NCKAP5: variants seen among roughly 807,000 people sequenced by gnomAD.
NCKAP5 encodes nck-associated protein 5.
In NCKAP5, 92 loss-of-function variants were observed where a neutral mutation model predicts 167.0. The ratio of observed to expected loss-of-function variants is 0.55; its 90% CI spans 0.47 to 0.66. The LOEUF (loss-of-function observed/expected upper bound fraction) is 0.66, where lower values mean the gene tolerates loss of function less well. Among genes scored for constraint, NCKAP5 ranks in the 30% least tolerant of loss-of-function variants. The probability of loss-of-function intolerance (pLI) is 0.00; values close to 1 mark genes in which losing one functional copy is unlikely to be tolerated. For synonymous variants in NCKAP5, 891 were observed against 877.4 expected (o/e 1.02, Z -0.27); for missense variants, 2,378 against 2,315.0 (o/e 1.03, Z -0.56).
intron 5 of NCKAP5, among the ~76,000 whole-genome samples, chr2:133,206,268 T>G (rs1292506866): frequency 6.6e-6 from 1 of 152,164 alleles, no homozygotes; most frequent in Non-Finnish European, 1.5e-5. Flanking sequence ...TATTTTATAC[T>G]ATGTGTGTTG....
At chr2:133,552,467 T>A (rs1687404349) in intron 2 of NCKAP5, among the ~76,000 whole-genome samples, 1 of 147,038 alleles carries the variant, frequency 6.8e-6, no homozygotes, top group African/African-American at 2.5e-5. Flanking sequence ...AAATTGGAAA[T>A]CATCATTCTC....
chr2:133,572,049 A>G (rs576434695), upstream of NCKAP5, among the ~76,000 whole-genome samples: 121 of 152,160 alleles, frequency 8.0e-4, no homozygotes, highest in African/African-American at 2.8e-3. Flanking sequence ...ACCTTTCACA[A>G]CCAAGGAAAC....
intron 4 of NCKAP5, among the ~76,000 whole-genome samples, chr2:133,233,583 C>T (rs2087253028): frequency 6.6e-6 from 1 of 152,002 alleles, no homozygotes; most frequent in Admixed American, 6.6e-5. Flanking sequence ...TATAACTTAA[C>T]TACATTTAAA....
chr2:133,176,270 T>A (rs4953877), intron 5 of NCKAP5, among the ~76,000 whole-genome samples: 51,909 of 152,144 alleles, frequency 0.34, 9,772 homozygotes, highest in East Asian at 0.74. Flanking sequence ...CCACATCATA[T>A]CACTTTAACC....
intron 16 of NCKAP5, among the ~76,000 whole-genome samples, chr2:132,735,321 T>C (rs546323768): frequency 1.4e-4 from 22 of 152,168 alleles, no homozygotes; most frequent in Non-Finnish European, 2.5e-4. Flanking sequence ...CATTCATGAC[T>C]TAGTGCCATC....
At chr2:132,986,164 T>G (rs1378315817) in intron 7 of NCKAP5, among the ~76,000 whole-genome samples, 1 of 152,194 alleles carries the variant, frequency 6.6e-6, no homozygotes, top group Non-Finnish European at 1.5e-5. Context: ...GCTGATTAAC[T>G]TCCAGGGTAC....
At chr2:133,342,107 T>G (rs1476520377) in intron 3 of NCKAP5, among the ~76,000 whole-genome samples, 1 of 151,780 alleles carries the variant, frequency 6.6e-6, no homozygotes, top group Non-Finnish European at 1.5e-5. Flanking sequence ...CCCAGCTAAT[T>G]TTTTTGTATT....
chr2:133,383,467 T>C lies in NCKAP5; in HGVS notation c.70-80357A>G, dbSNP rs1405571774. ...ATTTTCTTAATCCAGTCTATCATTG[T>C]TGGACATTTGGGTTGGTTCCAAGTC... On this transcript the variant is annotated intron_variant, in intron 3 of 19. Coordinates refer to ENST00000409261, the MANE Select transcript of NCKAP5 (RefSeq NM_207363.3). Among the ~76,000 whole-genome samples the C allele has an allele frequency of 2.0e-5, 3 of 152,198 alleles. No homozygotes were observed. The East Asian group carries it at 5.8e-4, about 29-fold the overall frequency.
chr2:133,036,378 A>G (rs2079042332), intron 6 of NCKAP5, among the ~76,000 whole-genome samples: 2 of 151,960 alleles, frequency 1.3e-5, no homozygotes, highest in South Asian at 4.1e-4. Context: ...AAAAAAGACC[A>G]CAAGCCAATA....
intron 7 of NCKAP5, among the ~76,000 whole-genome samples, chr2:132,970,448 T>G (rs1486269027): frequency 6.6e-6 from 1 of 152,144 alleles, no homozygotes; most frequent in African/African-American, 2.4e-5. Context: ...CTGTTTTCAT[T>G]TTTATGGAGT....
chr2:133,415,937 T>C (rs530174417), intron 3 of NCKAP5, among the ~76,000 whole-genome samples: 1 of 152,350 alleles, frequency 6.6e-6, no homozygotes, highest in African/African-American at 2.4e-5. Flanking sequence ...GTAAAACACA[T>C]TGTGAGTGGT....
intron 11 of NCKAP5, among the ~76,000 whole-genome samples, chr2:132,851,299 T>C (rs930115265): frequency 2.6e-5 from 4 of 152,176 alleles, no homozygotes; most frequent in African/African-American, 9.7e-5. Context: ...TATGAGGTAG[T>C]AGATGGAAGT....
chr2:132,682,331 G>C (rs77804077), intron 19 of NCKAP5, among the ~76,000 whole-genome samples: 4,414 of 152,196 alleles, frequency 0.029, 200 homozygotes, highest in African/African-American at 0.097. Context: ...CAATGTGACA[G>C]TGACAATCAC....
chr2:133,021,589 C>T (rs1039625670), intron 6 of NCKAP5, among the ~76,000 whole-genome samples: 1 of 152,126 alleles, frequency 6.6e-6, no homozygotes, highest in African/African-American at 2.4e-5. Flanking sequence ...ATGCTTAATC[C>T]AGGGATATGT....
At chr2:133,555,213 C>T (rs908494710) in intron 2 of NCKAP5, among the ~76,000 whole-genome samples, 3 of 152,164 alleles carry the variant, frequency 2.0e-5, no homozygotes, top group Non-Finnish European at 2.9e-5. Context: ...TTTCTTCCAC[C>T]GACTAACATA....
At chr2:132,829,720 C>T (rs1687385690) in intron 11 of NCKAP5, among the ~76,000 whole-genome samples, 2 of 152,150 alleles carry the variant, frequency 1.3e-5, no homozygotes, top group African/African-American at 2.4e-5. Flanking sequence ...CCCAGATGTT[C>T]TGAATCAGGA....
intron 8 of NCKAP5, among the ~76,000 whole-genome samples, chr2:132,946,451 A>C (rs1697737241): frequency 6.6e-6 from 1 of 152,182 alleles, no homozygotes; most frequent in African/African-American, 2.4e-5. Flanking sequence ...GCCCTCAAAA[A>C]ACTATTTATC....
intron 7 of NCKAP5, among the ~76,000 whole-genome samples, chr2:132,973,892 C>T (rs976669471): frequency 6.6e-6 from 1 of 152,196 alleles, no homozygotes; most frequent in Non-Finnish European, 1.5e-5. Flanking sequence ...TAAGCCCTTT[C>T]TAATGGCATT....
At chr2:132,815,323 G>A (rs909188016) in intron 11 of NCKAP5, among the ~76,000 whole-genome samples, 4 of 152,164 alleles carry the variant, frequency 2.6e-5, no homozygotes. Context: ...AGAAGAAGCT[G>A]CTCTTAGACT....
Sources: gnomAD v4.1 joint callset for allele counts (sites outside exome capture counted in the v4.1 genomes callset) on GRCh38, gnomAD v4.1.1 for gene constraint, MANE v1.5 for transcripts, NCBI Gene and HGNC (gene_info 2026-07-23, HGNC 2026-07-21) for gene names.